Variants in SMC4 observed in about 807,000 individuals in gnomAD.
SMC4 encodes the protein structural maintenance of chromosomes protein 4.
In SMC4, 87 loss-of-function variants were observed where a neutral mutation model predicts 145.6. The observed-to-expected ratio is 0.60, with a 90% CI of 0.50 to 0.71. The LOEUF (loss-of-function observed/expected upper bound fraction) is 0.71. Ranked by LOEUF, SMC4 falls within the 30% of genes least tolerant of loss-of-function variation. The pLI is 0.00. For missense variants in SMC4, 1,447 were observed against 1,537.1 expected (o/e 0.94, Z 0.98); for synonymous variants, 558 against 500.7 (o/e 1.11, Z -1.53).
intron 5 of SMC4, among the ~76,000 whole-genome samples, chr3:160,408,011 A>AT (rs1280002958): frequency 2.6e-5 from 4 of 152,200 alleles, no homozygotes; most frequent in Non-Finnish European, 5.9e-5. Context: ...AAGAACACTA[A>AT]TTTATAGTAT....
chr3:160,432,255 G>A, intron 21 of SMC4, 28 bp from the exon 22 acceptor site: 1 of 1,442,736 alleles, frequency 6.9e-7, no homozygotes, highest in Non-Finnish European at 9.6e-7. Context: ...TATCTGAATA[G>A]ATTTTCCCTA....
At position 160,434,226 on chromosome 3, in the gene SMC4, A is replaced by G. The variant is rs77573017; in HGVS notation, c.*417A>G. On this transcript the variant is annotated 3_prime_UTR_variant, in exon 24 of 24. Coordinates refer to ENST00000357388, the MANE Select transcript of SMC4 (RefSeq NM_001002800.3). ...TCCACTTAGCTTGCCAGTTGAGACA[A>G]TCACCACAGTTATTACCCAAATACT... The G allele has an allele frequency of 0.035, 5,412 of 155,338 alleles. 337 individuals are homozygous for G. The highest frequency in any genetic ancestry group is 0.12 in the African/African-American group (5,161 of 41,584). The allele number at this position is 155,338 out of a possible 1,614,324, so 9.6% of individuals were successfully genotyped here.
In SMC4 at chr3:160,417,971, CT is replaced by C. The variant is rs759261942; in HGVS notation, c.1671+16del. ...AATTAAAGGAGGTAAATCTTTGCTT[CT>C]CTGTTGCATCAGAACATCATTCGTC... On this transcript the variant is annotated intron_variant, in intron 11 of 23. Transcript: ENST00000357388. The C allele has an allele frequency of 3.2e-6, 5 of 1,586,978 alleles. No homozygotes were observed. Among genetic ancestry groups the C allele is most frequent in the Non-Finnish European group, 4.3e-6 (5 of 1,160,196 alleles).
chr3:160,432,332 A>G lies in SMC4; in HGVS notation c.3347A>G (p.Glu1116Gly). 1 of 1,613,140 alleles carries G rather than the reference A, an allele frequency of 6.2e-7. No individual in the cohort carries two copies. The highest frequency in any genetic ancestry group is 8.5e-7 in the Non-Finnish European group (1 of 1,179,772). Residue 1116 changes from glutamate (E) to glycine (G), a missense_variant, in exon 22 of 24, where the codon GAA (glutamate) becomes GGA (glycine). Coordinates refer to ENST00000357388, the MANE Select transcript of SMC4 (RefSeq NM_001002800.3). ...GCAGAATTGGACAAAATTACTTATGAAAGAGACAGTTTTAGACAGGCATAT... is the reference window on the plus strand; with the variant it reads ...GCAGAATTGGACAAAATTACTTATGGAAGAGACAGTTTTAGACAGGCATAT... Reference protein sequence around the residue: ...RVAELDKITYERDSFRQAYED... With the variant: ...RVAELDKITYGRDSFRQAYED...
chr3:160,400,005 C>T (rs1417891696), intron 1 of SMC4: 2 of 152,252 alleles, frequency 1.3e-5, no homozygotes, highest in African/African-American at 2.4e-5. Context: ...CAGATCTTTT[C>T]TTTAAAAAAT....
At chr3:160,410,007 T>G (rs1358097615) in intron 5 of SMC4, among the ~76,000 whole-genome samples, 1 of 152,070 alleles carries the variant, frequency 6.6e-6, no homozygotes, top group African/African-American at 2.4e-5. Context: ...GTCTGAAAGG[T>G]CAAGGCTGCA....
At chr3:160,423,696 G>A in intron 14 of SMC4, 46 bp downstream of exon 14, 1 of 1,596,816 alleles carries the variant, frequency 6.3e-7, no homozygotes, top group Non-Finnish European at 8.6e-7. Context: ...TCCCCCCACA[G>A]CATTGACTTT....
chr3:160,428,736 T>A lies in SMC4; in HGVS notation c.2606-17T>A. ...AGCATAAAAACACAAATTAGGTTCTTTATTTTTTAATTTCAGAATATGATG... is the reference window on the plus strand; with the variant it reads ...AGCATAAAAACACAAATTAGGTTCTATATTTTTTAATTTCAGAATATGATG... On this transcript the variant is annotated splice_polypyrimidine_tract_variant and intron_variant, in intron 17 of 23. Coordinates refer to ENST00000357388, the MANE Select transcript of SMC4 (RefSeq NM_001002800.3). The A allele has an allele frequency of 6.4e-7, 1 of 1,560,078 alleles. No homozygotes were observed. Among genetic ancestry groups the A allele is most frequent in the Non-Finnish European group, 8.6e-7 (1 of 1,165,178 alleles).
At chr3:160,412,821 CT>C (rs1257203312) in intron 7 of SMC4, 2 of 985,102 alleles carry the variant, frequency 2.0e-6, no homozygotes, top group Non-Finnish European at 2.4e-6. Flanking sequence ...TTGAAGTTGA[CT>C]TTTTAGTATC....
chr3:160,433,920 C>T lies in SMC4; in HGVS notation c.*111C>T, dbSNP rs1560019266. On this transcript the variant is annotated 3_prime_UTR_variant, in exon 24 of 24. Coordinates refer to ENST00000357388, the MANE Select transcript of SMC4 (RefSeq NM_001002800.3). ...ATACTCCCTAAACTAGATCATGAAA[C>T]TGGTTTCTGTTTTATGCAGTTGTCA... 1.3e-6 allele frequency: 1 copy of T among 751,526 alleles called. No homozygotes were observed. The highest frequency in any genetic ancestry group is 3.4e-5 in the Admixed American group (1 of 29,088). 46.6% of individuals were successfully genotyped at this position (751,526 alleles called of 1,614,324 possible).
intron 15 of SMC4, among the ~76,000 whole-genome samples, 160 bp downstream of exon 15, chr3:160,424,000 C>CT (rs1397557896): frequency 6.6e-6 from 1 of 151,784 alleles, no homozygotes; most frequent in Non-Finnish European, 1.5e-5. Flanking sequence ...ATGTAAAGCC[C>CT]TTTAAAGTTT....
At position 160,433,074 on chromosome 3, in the gene SMC4, A is replaced by G. The variant is rs1718581920; in HGVS notation, c.3579A>G (p.Gly1193=). ...KSWKKIFNLS[G]GEKTLSSLAL... is the part of the protein sequence containing the mutation. The stretch of plus-strand genomic sequence containing the variant: ...GGAAAAAGATCTTCAACCTTTCGGG[A>G]GGAGAGAAAACACTTAGTTCATTGG... Residue 1193 remains glycine, a synonymous_variant, in exon 23 of 24, where the codon GGA becomes GGG. Transcript: ENST00000357388. The G allele has an allele frequency of 1.2e-6, 2 of 1,613,716 alleles. No individual in the cohort carries two copies. Among genetic ancestry groups the G allele is most frequent in the East Asian group, 2.2e-5 (1 of 44,818 alleles).
intron 15 of SMC4, 106 bp from the exon 16 acceptor site, chr3:160,424,761 G>C: frequency 1.6e-6 from 2 of 1,252,504 alleles, no homozygotes; most frequent in Non-Finnish European, 2.3e-6. Flanking sequence ...AGTGAGCTGA[G>C]ACCGCGCCAT....
At chr3:160,416,167 A>C in intron 9 of SMC4, 84 bp from the exon 10 acceptor site, 1 of 964,744 alleles carries the variant, frequency 1.0e-6, no homozygotes. Flanking sequence ...GAGGACCCTG[A>C]GAAATGCCTT....
intron 10 of SMC4, 36 bp downstream of exon 10, chr3:160,416,451 G>A: frequency 2.3e-6 from 3 of 1,313,648 alleles, no homozygotes; most frequent in South Asian, 4.0e-5. Flanking sequence ...TTATTTTGGT[G>A]GCTTTTTTTT....
At chr3:160,423,101 G>T (rs1358920591) in intron 13 of SMC4, among the ~76,000 whole-genome samples, 1 of 151,984 alleles carries the variant, frequency 6.6e-6, no homozygotes, top group African/African-American at 2.4e-5. Flanking sequence ...TGACTGTTCT[G>T]GGTCCCTATA....
chr3:160,413,699 T>G (rs1178074898), intron 8 of SMC4, 86 bp downstream of exon 8: 3 of 812,520 alleles, frequency 3.7e-6, no homozygotes, highest in African/African-American at 1.8e-5. Flanking sequence ...TAGCACATTG[T>G]GAGTGTAAGA....
chr3:160,416,867 G>A (rs111861917), intron 10 of SMC4, among the ~76,000 whole-genome samples: 2 of 152,016 alleles, frequency 1.3e-5, no homozygotes, highest in African/African-American at 4.8e-5. Context: ...TTCTTGTGCC[G>A]GTTGTCATAT....
chr3:160,402,970 G>C, intron 4 of SMC4, 103 bp downstream of exon 4: 1 of 791,616 alleles, frequency 1.3e-6, no homozygotes. Context: ...TGTAATTACA[G>C]CGGAAAGCAT....
Sources: allele counts gnomAD v4.1 joint callset (sites outside exome capture counted in the v4.1 genomes callset), GRCh38; gene constraint gnomAD v4.1.1; transcripts MANE v1.5; gene names NCBI Gene and HGNC (gene_info 2026-07-23, HGNC 2026-07-21).